The following ATG10 variants were observed in gnomAD, a reference collection of about 807,000 sequenced individuals.
ATG10 encodes the protein ubiquitin-like-conjugating enzyme ATG10.
A neutral mutation model predicts 32.1 loss-of-function variants in ATG10; 30 were observed. The ratio of observed to expected loss-of-function variants is 0.94; its 90% CI spans 0.70 to 1.27. The LOEUF is 1.27. ATG10 is among the 50% of genes most tolerant of loss of function. ATG10 has a pLI of 0.00. For missense variants in ATG10, 233 were observed against 262.3 expected, an observed-to-expected ratio of 0.89 and a Z score of 0.77; for synonymous variants, 87 against 91.5, an observed-to-expected ratio of 0.95 and a Z score of 0.28.
chr5:82,200,463 CTTTTTTTTT>C (rs764388608), intron 5 of ATG10, among the ~76,000 whole-genome samples: 2 of 52,556 alleles, frequency 3.8e-5, no homozygotes, highest in Non-Finnish European at 7.1e-5. Context: ...TCCCTAACTT[CTTTTTTTTT>C]TTTTTTTTTT....
chr5:82,153,428 C>A (rs988067372), intron 3 of ATG10, among the ~76,000 whole-genome samples: 3 of 152,108 alleles, frequency 2.0e-5, no homozygotes, highest in African/African-American at 4.8e-5. Context: ...TAGGCAGACA[C>A]TTTTTAGTGG....
At chr5:82,138,430 G>A (rs577255236) in intron 3 of ATG10, among the ~76,000 whole-genome samples, 1 of 152,144 alleles carries the variant, frequency 6.6e-6, no homozygotes, top group East Asian at 1.9e-4. Context: ...GGGCCAGAGT[G>A]CACCCTTCTT....
At chr5:82,124,501 G>T (rs1228550177) in intron 3 of ATG10, among the ~76,000 whole-genome samples, 1 of 151,252 alleles carries the variant, frequency 6.6e-6, no homozygotes, top group Non-Finnish European at 1.5e-5. Context: ...TCCCTGTGCC[G>T]TGCATTCTGA....
chr5:82,210,701 A>T (rs901589615), intron 5 of ATG10, among the ~76,000 whole-genome samples: 10 of 152,074 alleles, frequency 6.6e-5, no homozygotes, highest in African/African-American at 2.4e-4. Context: ...GCTTTTAAGG[A>T]GGTTGATGGC....
chr5:82,029,009 G>A (rs1027036635), intron 2 of ATG10, among the ~76,000 whole-genome samples: 9 of 152,160 alleles, frequency 5.9e-5, no homozygotes, highest in African/African-American at 1.2e-4. Flanking sequence ...ATTTGTATAC[G>A]TAAGGAAGAG....
At chr5:82,218,382 C>T (rs893583770) in intron 5 of ATG10, among the ~76,000 whole-genome samples, 17 of 152,054 alleles carry the variant, frequency 1.1e-4, no homozygotes, top group Non-Finnish European at 1.9e-4. Context: ...ATTCATATGT[C>T]TTACTTTCAT....
At chr5:82,229,991 T>C (rs1455929598) in intron 5 of ATG10, among the ~76,000 whole-genome samples, 1 of 152,158 alleles carries the variant, frequency 6.6e-6, no homozygotes, top group Non-Finnish European at 1.5e-5. Context: ...CACTGGTCAA[T>C]CTGAAAAGGC....
intron 5 of ATG10, among the ~76,000 whole-genome samples, chr5:82,232,528 G>C (rs889350265): frequency 3.3e-5 from 5 of 152,040 alleles, no homozygotes; most frequent in African/African-American, 4.8e-5. Context: ...AAATATAGTT[G>C]GGTAATATAT....
intron 2 of ATG10, among the ~76,000 whole-genome samples, chr5:82,011,549 G>A (rs990812286): frequency 1.3e-5 from 2 of 152,086 alleles, no homozygotes; most frequent in African/African-American, 2.4e-5. Flanking sequence ...AGCTAAGCAC[G>A]CAAAACTCTT....
chr5:82,074,955 A>G (rs1199725341), intron 3 of ATG10, among the ~76,000 whole-genome samples: 1 of 152,180 alleles, frequency 6.6e-6, no homozygotes, highest in Non-Finnish European at 1.5e-5. Flanking sequence ...ATATTGATAG[A>G]GAAGGGAGGT....
intron 2 of ATG10, among the ~76,000 whole-genome samples, chr5:82,004,398 A>T (rs1761933305): frequency 6.6e-6 from 1 of 152,178 alleles, no homozygotes; most frequent in African/African-American, 2.4e-5. Flanking sequence ...TGCGTCCCCG[A>T]AGTTGAATCT....
At chr5:82,199,453 G>T (rs1744983651) in intron 5 of ATG10, among the ~76,000 whole-genome samples, 1 of 152,096 alleles carries the variant, frequency 6.6e-6, no homozygotes, top group Non-Finnish European at 1.5e-5. Context: ...ATTGAAAGGA[G>T]CATAGACTTT....
intron 2 of ATG10, among the ~76,000 whole-genome samples, chr5:82,041,237 A>G (rs1187478873): frequency 2.0e-5 from 3 of 152,224 alleles, no homozygotes; most frequent in Non-Finnish European, 4.4e-5. Context: ...TAGTTTAAAT[A>G]TGTTTTATTG....
chr5:82,135,389 T>G (rs748835156), intron 3 of ATG10, among the ~76,000 whole-genome samples: 8 of 152,244 alleles, frequency 5.3e-5, no homozygotes, highest in Non-Finnish European at 1.2e-4. Flanking sequence ...CTCTAAGCGC[T>G]GCTTTAGCTG....
intron 5 of ATG10, among the ~76,000 whole-genome samples, chr5:82,213,212 C>T (rs1431442687): frequency 6.6e-6 from 1 of 152,190 alleles, no homozygotes; most frequent in Non-Finnish European, 1.5e-5. Context: ...AAGATACTGA[C>T]TTTGTTCTTC....
chr5:81,981,418 G>A (rs184588230), intron 1 of ATG10, among the ~76,000 whole-genome samples: 1 of 151,968 alleles, frequency 6.6e-6, no homozygotes, highest in African/African-American at 2.4e-5. Context: ...ACCTTGCTAG[G>A]TAAGTGATTA....
At chr5:81,987,271 C>T (rs1358896858) in intron 1 of ATG10, among the ~76,000 whole-genome samples, 2 of 152,106 alleles carry the variant, frequency 1.3e-5, no homozygotes, top group Non-Finnish European at 2.9e-5. Flanking sequence ...GACAGGTGCA[C>T]ACCACTATGC....
At chr5:82,104,680 T>G (rs1215920940) in intron 3 of ATG10, among the ~76,000 whole-genome samples, 1 of 152,108 alleles carries the variant, frequency 6.6e-6, no homozygotes, top group Non-Finnish European at 1.5e-5. Flanking sequence ...TAGTTTTTTC[T>G]TAAACACCAT....
chr5:81,983,407 G>A (rs1264015375), intron 1 of ATG10, among the ~76,000 whole-genome samples: 3 of 147,440 alleles, frequency 2.0e-5, no homozygotes, highest in Non-Finnish European at 4.5e-5. Flanking sequence ...TGGCCAGGCG[G>A]GGGGCTGACT....
Sources: allele counts gnomAD v4.1 joint callset (sites outside exome capture counted in the v4.1 genomes callset), GRCh38; gene constraint gnomAD v4.1.1; transcripts MANE v1.5; gene names NCBI Gene and HGNC (gene_info 2026-07-23, HGNC 2026-07-21).